TSPAN14: variants seen among roughly 807,000 people sequenced by gnomAD.
TSPAN14 encodes the protein tetraspanin 14.
A neutral mutation model predicts 36.6 loss-of-function variants in TSPAN14; 16 were observed. The ratio of observed to expected loss-of-function variants is 0.44; its 90% CI spans 0.30 to 0.66. TSPAN14 has a LOEUF of 0.66. Ranked by LOEUF, TSPAN14 falls within the 30% of genes least tolerant of loss-of-function variation. The pLI, the probability that TSPAN14 is intolerant of heterozygous loss-of-function variation, is 0.12. For synonymous variants in TSPAN14, 139 were observed against 143.8 expected (o/e 0.97, Z 0.24); for missense variants, 231 against 355.1 (o/e 0.65, Z 2.81).
At chr10:80,490,445 G>A (rs926679103) in intron 2 of TSPAN14, among the ~76,000 whole-genome samples, 7 of 152,198 alleles carry the variant, frequency 4.6e-5, no homozygotes, top group Admixed American at 6.5e-5. Context: ...GGCTGAGAGC[G>A]AGTGGCCTGT....
chr10:80,460,726 T>G (rs1845924556), intron 1 of TSPAN14, among the ~76,000 whole-genome samples: 1 of 152,162 alleles, frequency 6.6e-6, no homozygotes, highest in African/African-American at 2.4e-5. Flanking sequence ...GCCTGCTGGA[T>G]TTCCCCTCTG....
chr10:80,482,732 C>CTTTTTTTTTTTT (rs34769982), intron 1 of TSPAN14, among the ~76,000 whole-genome samples: 1 of 110,548 alleles, frequency 9.0e-6, no homozygotes, highest in East Asian at 2.2e-4. Flanking sequence ...TTTTCTTTTC[C>CTTTTTTTTTTTT]TTTTTTTTTT....
chr10:80,472,164 T>C (rs1846589017), intron 1 of TSPAN14, among the ~76,000 whole-genome samples: 1 of 151,940 alleles, frequency 6.6e-6, no homozygotes, highest in South Asian at 2.1e-4. Context: ...AAATCTCCAA[T>C]GGGGCCCAAG....
chr10:80,454,541 C>T (rs1252076215), intron 1 of TSPAN14, among the ~76,000 whole-genome samples, 170 bp downstream of exon 1: 3 of 152,012 alleles, frequency 2.0e-5, no homozygotes, highest in East Asian at 3.9e-4. Flanking sequence ...GCGGCGCTGG[C>T]TTTGTCTGCC....
Position 80,487,183 on chromosome 10 carries a change from G to A in TSPAN14, c.-17-2034G>A, listed in dbSNP as rs115247100. On this transcript the variant is annotated intron_variant, in intron 1 of 8. Transcript: ENST00000429989. The stretch of plus-strand genomic sequence containing the variant: ...TTGCCTACACGGAGCCCCTCTCTGC[G>A]AATCCGTGTGCTGCACCACAGCTCA... 4.6e-5 allele frequency among the ~76,000 whole-genome samples: 7 copies of A among 152,306 alleles called. No homozygotes were observed. The East Asian group carries it at 1.2e-3, about 25-fold the overall frequency.
chr10:80,474,861 C>A (rs878651), intron 1 of TSPAN14, among the ~76,000 whole-genome samples: 21,713 of 152,030 alleles, frequency 0.14, 1,817 homozygotes, highest in South Asian at 0.26. Flanking sequence ...CCTCATGACC[C>A]CTTATTAGTA....
At chr10:80,475,065 T>C (rs1385659584) in intron 1 of TSPAN14, among the ~76,000 whole-genome samples, 1 of 151,410 alleles carries the variant, frequency 6.6e-6, no homozygotes, top group Non-Finnish European at 1.5e-5. Flanking sequence ...GTTGGAGGGG[T>C]GCAGGCGGCC....
chr10:80,455,373 C>G (rs1845690370), intron 1 of TSPAN14, among the ~76,000 whole-genome samples: 1 of 152,056 alleles, frequency 6.6e-6, no homozygotes, highest in South Asian at 2.1e-4. Context: ...GGAGGTCAGG[C>G]GGTGCTGGGC....
intron 1 of TSPAN14, among the ~76,000 whole-genome samples, chr10:80,487,150 TAGG>T (rs1039336247): frequency 1.3e-5 from 2 of 152,188 alleles, no homozygotes; most frequent in African/African-American, 2.4e-5. Context: ...TAGCTACCGT[TAGG>T]TTAGTTGCCT....
At chr10:80,485,761 C>T (rs772106929) in intron 1 of TSPAN14, 56 of 838,784 alleles carry the variant, frequency 6.7e-5, no homozygotes, top group Middle Eastern at 1.2e-3. Flanking sequence ...AAGCGGGGAG[C>T]GGAGAAGGAA....
At chr10:80,510,336 G>A (rs1023567589) in intron 5 of TSPAN14, among the ~76,000 whole-genome samples, 2 of 152,186 alleles carry the variant, frequency 1.3e-5, no homozygotes, top group Non-Finnish European at 2.9e-5. Flanking sequence ...ATGGGATCCA[G>A]CAAAACCCAT....
At chr10:80,482,854 G>C (rs952111346) in intron 1 of TSPAN14, among the ~76,000 whole-genome samples, 1 of 149,078 alleles carries the variant, frequency 6.7e-6, no homozygotes, top group African/African-American at 2.5e-5. Flanking sequence ...TCCTGCCTCA[G>C]CTTCCCGAGT....
chr10:80,485,538 C>G, intron 1 of TSPAN14: 1 of 721,474 alleles, frequency 1.4e-6, no homozygotes, highest in Non-Finnish European at 1.7e-6. Flanking sequence ...AGAAGGCCAC[C>G]TTACACTGTG....
chr10:80,518,249 CAG>C (rs973602209), exon 9 of TSPAN14: 4 of 499,978 alleles, frequency 8.0e-6, no homozygotes, highest in African/African-American at 5.8e-5. Flanking sequence ...CTCTGAAAGA[CAG>C]AGAGGGCTCC....
chr10:80,492,050 G>C (rs1847947279), intron 2 of TSPAN14, among the ~76,000 whole-genome samples: 1 of 152,164 alleles, frequency 6.6e-6, no homozygotes, highest in African/African-American at 2.4e-5. Flanking sequence ...GGGCACCCAG[G>C]GCCTCCCTGA....
intron 2 of TSPAN14, among the ~76,000 whole-genome samples, chr10:80,502,121 G>A (rs1483319714): frequency 1.3e-5 from 2 of 152,208 alleles, no homozygotes; most frequent in Non-Finnish European, 2.9e-5. Context: ...TGGATATGGA[G>A]GAAGAGCATT....
intron 1 of TSPAN14, among the ~76,000 whole-genome samples, chr10:80,475,840 C>G (rs1846843678): frequency 6.6e-6 from 1 of 152,222 alleles, no homozygotes; most frequent in Non-Finnish European, 1.5e-5. Flanking sequence ...CTGCCTCGGC[C>G]TCCCAGAGTG....
intron 1 of TSPAN14, among the ~76,000 whole-genome samples, chr10:80,458,629 G>T (rs17618275): frequency 0.09 from 13,632 of 152,294 alleles, 763 homozygotes; most frequent in South Asian, 0.21. Context: ...TGCGTAGAAT[G>T]AAGTTTTGAG....
At chr10:80,505,962 T>C (rs951216232) in intron 3 of TSPAN14, among the ~76,000 whole-genome samples, 2 of 152,250 alleles carry the variant, frequency 1.3e-5, no homozygotes, top group African/African-American at 2.4e-5. Flanking sequence ...GTTCGAAATG[T>C]AGGAGCTTGG....
Sources: allele counts gnomAD v4.1 joint callset (sites outside exome capture counted in the v4.1 genomes callset), GRCh38; gene constraint gnomAD v4.1.1; transcripts MANE v1.5; gene names NCBI Gene and HGNC (gene_info 2026-07-23, HGNC 2026-07-21).